The following MATN2 variants were observed in gnomAD, a reference collection of about 807,000 sequenced individuals.
The protein encoded by MATN2 is matrilin-2.
A neutral mutation model predicts 103.2 loss-of-function variants in MATN2; 69 were observed. That is an observed-to-expected ratio of 0.67 (90% CI 0.55 to 0.82). The LOEUF is 0.82. Ranked by LOEUF, MATN2 falls within the 40% of genes least tolerant of loss-of-function variation. The pLI, the probability that MATN2 is intolerant of heterozygous loss-of-function variation, is 0.00. For synonymous variants in MATN2, 429 were observed against 450.2 expected (o/e 0.95, Z 0.60); for missense variants, 1,023 against 1,211.5 (o/e 0.84, Z 2.31).
chr8:97,937,867 C>A (rs1488037809), intron 3 of MATN2, among the ~76,000 whole-genome samples: 5 of 152,128 alleles, frequency 3.3e-5, no homozygotes, highest in Non-Finnish European at 7.4e-5. Context: ...GCATGAGCCA[C>A]CATGCCTGGC....
chr8:98,026,277 A>G, intron 13 of MATN2, among the ~76,000 whole-genome samples: 1 of 142,614 alleles, frequency 7.0e-6, no homozygotes. Context: ...TTTTACGGAG[A>G]GATGCAGGGT....
At chr8:97,899,154 T>C (rs531149126) in intron 2 of MATN2, among the ~76,000 whole-genome samples, 4 of 152,192 alleles carry the variant, frequency 2.6e-5, no homozygotes, top group East Asian at 3.9e-4. Context: ...ATCTTCTAGG[T>C]TGGGATTTAA....
At position 98,030,554 on chromosome 8, in the gene MATN2, G is replaced by A; in HGVS notation, c.2449G>A (p.Ala817Thr). 6.2e-7 allele frequency: 1 copy of A among 1,613,940 alleles called. No homozygotes were observed. ...SEPTNKHLFY[A>T]EDFSTMDEIS... The stretch of plus-strand genomic sequence containing the variant: ...GCCCACAAACAAGCATCTCTTCTAT[G>A]CCGAAGACTTCAGCACAATGGATGA... The change falls in exon 15 of 19, where the codon GCC becomes ACC. Residue 817 changes from alanine (A) to threonine (T), a missense_variant. By Grantham distance (58) the Ala-to-Thr change is moderately conservative. Transcript: ENST00000254898.
At chr8:97,988,452 C>T (rs1390761185) in intron 6 of MATN2, among the ~76,000 whole-genome samples, 5 of 135,334 alleles carry the variant, frequency 3.7e-5, no homozygotes, top group Non-Finnish European at 7.8e-5. Context: ...ATAGCAAGAC[C>T]CCATCTCTAC....
chr8:97,942,002 C>A (rs1003780866), intron 4 of MATN2, 103 bp downstream of exon 4: 1 of 1,396,654 alleles, frequency 7.2e-7, no homozygotes, highest in Non-Finnish European at 9.9e-7. Context: ...CCTCACCCAC[C>A]CCAGTTATCA....
chr8:97,874,406 C>CTTCT (rs371042037), intron 1 of MATN2, among the ~76,000 whole-genome samples: 88,336 of 135,688 alleles, frequency 0.65, 31,014 homozygotes, highest in Non-Finnish European at 0.82. Flanking sequence ...TCTTCTTCTT[C>CTTCT]TTTTTTTTTT....
chr8:98,012,405 A>G (rs2130403452), intron 10 of MATN2, among the ~76,000 whole-genome samples: 1 of 152,208 alleles, frequency 6.6e-6, no homozygotes, highest in Non-Finnish European at 1.5e-5. Flanking sequence ...CACCCAGAGG[A>G]GGGGGCTGTG....
intron 14 of MATN2, among the ~76,000 whole-genome samples, chr8:98,029,654 C>T (rs1320112569): frequency 1.3e-5 from 2 of 152,190 alleles, no homozygotes; most frequent in African/African-American, 4.8e-5. Flanking sequence ...AGACTCAGAA[C>T]AAGGCATCAC....
chr8:98,024,532 A>C (rs1467159684), intron 13 of MATN2, among the ~76,000 whole-genome samples: 3 of 151,932 alleles, frequency 2.0e-5, no homozygotes, highest in African/African-American at 7.3e-5. Context: ...ACAACAAACA[A>C]ACAAAATGAT....
intron 4 of MATN2, among the ~76,000 whole-genome samples, chr8:97,955,371 T>G (rs975296083): frequency 6.6e-5 from 10 of 152,074 alleles, no homozygotes; most frequent in African/African-American, 2.4e-4. Flanking sequence ...GCAGGGGAGA[T>G]GAAGAGAAGT....
At chr8:97,978,829 C>T in intron 5 of MATN2, 57 bp from the exon 6 acceptor site, 1 of 1,567,216 alleles carries the variant, frequency 6.4e-7, no homozygotes, top group Non-Finnish European at 8.8e-7. Flanking sequence ...CCTCATCCTA[C>T]CATTCCCTTT....
At chr8:97,914,437 AATG>A (rs1809552897) in intron 2 of MATN2, among the ~76,000 whole-genome samples, 1 of 130,716 alleles carries the variant, frequency 7.7e-6, no homozygotes, top group South Asian at 2.5e-4. Context: ...GTGGCACAAT[AATG>A]GCTTACTGCA....
intron 13 of MATN2, among the ~76,000 whole-genome samples, chr8:98,023,446 GGATTGCTT>G (rs1333301890): frequency 2.0e-5 from 3 of 151,956 alleles, no homozygotes; most frequent in African/African-American, 4.8e-5. Context: ...TGTGGTGGGA[GGATTGCTT>G]GAGCTCAGGA....
Position 97,888,105 on chromosome 8 carries a change from A to G in MATN2, c.5A>G (p.Glu2Gly), listed in dbSNP as rs1818503269. 6.2e-7 allele frequency: 1 copy of G among 1,606,948 alleles called. No individual in the cohort carries two copies. The highest frequency in any genetic ancestry group is 1.3e-5 in the African/African-American group (1 of 74,458). M[E>G]KMLAGCFLLI... ...CCCCTCTTGCTCGCCTTGAAAATGG[A>G]AAAGATGCTCGCAGGCTGCTTTCTG... Residue 2 changes from glutamate to glycine, a missense_variant, in exon 2 of 19, where the codon GAA becomes GGA. By Grantham distance (98) the Glu-to-Gly change is moderately conservative. Coordinates refer to ENST00000254898, the MANE Select transcript of MATN2 (RefSeq NM_002380.5).
At position 97,994,483 on chromosome 8, in the gene MATN2, T is replaced by G. The variant is rs773457697; in HGVS notation, c.1085T>G (p.Ile362Arg). 2 of 1,605,704 alleles carry G rather than the reference T, an allele frequency of 1.2e-6. No individual in the cohort carries two copies. ...TGTGATTTTTCCTTCTTGCCAGAGA[T>G]AGACTACTGTGCCTCATCTAATCAC... ...LNPDKKTCTK[I>R]DYCASSNHGC... Residue 362 changes from isoleucine (I) to arginine (R), a missense_variant, in exon 7 of 19, where the codon ATA becomes AGA. By Grantham distance (97) the Ile-to-Arg change is moderately conservative (BLOSUM62 -3). Coordinates refer to ENST00000254898, the MANE Select transcript of MATN2 (RefSeq NM_002380.5).
intron 4 of MATN2, among the ~76,000 whole-genome samples, chr8:97,944,792 C>G (rs1810691292): frequency 6.6e-6 from 1 of 152,186 alleles, no homozygotes; most frequent in Non-Finnish European, 1.5e-5. Context: ...CTGAGAGAAA[C>G]TCACAGTGGG....
At chr8:97,963,222 T>C (rs1811371231) in intron 5 of MATN2, among the ~76,000 whole-genome samples, 1 of 152,212 alleles carries the variant, frequency 6.6e-6, no homozygotes. Flanking sequence ...ACCTGCTTTT[T>C]CCCCTCTACT....
chr8:98,035,080 G>A (rs12550001), intron 18 of MATN2, among the ~76,000 whole-genome samples: 7,722 of 152,040 alleles, frequency 0.051, 262 homozygotes, highest in South Asian at 0.11. Context: ...AAATAAGGCC[G>A]GGCACGGTGG....
intron 1 of MATN2, among the ~76,000 whole-genome samples, chr8:97,877,098 TG>T (rs900778310): frequency 1.3e-5 from 2 of 151,494 alleles, no homozygotes; most frequent in African/African-American, 4.8e-5. Context: ...CTCAACCTCC[TG>T]GTGCTCAAGC....
Sources: allele counts gnomAD v4.1 joint callset (sites outside exome capture counted in the v4.1 genomes callset), GRCh38; gene constraint gnomAD v4.1.1; transcripts MANE v1.5; gene names NCBI Gene and HGNC (gene_info 2026-07-23, HGNC 2026-07-21).